FOXP2: variants seen among roughly 807,000 people sequenced by gnomAD.
FOXP2 encodes forkhead box P2.
A neutral mutation model predicts 115.8 loss-of-function variants in FOXP2; 12 were observed. The ratio of observed to expected loss-of-function variants is 0.10; its 90% CI spans 0.07 to 0.17. The LOEUF is 0.17. FOXP2 is among the 10% of genes least tolerant of loss of function. The pLI is 1.00. For missense variants in FOXP2, 629 were observed against 843.5 expected (o/e 0.75, Z 3.15); for synonymous variants, 328 against 297.7 (o/e 1.10, Z -1.05).
intron 2 of FOXP2, among the ~76,000 whole-genome samples, chr7:114,475,971 CT>C (rs1424776064): frequency 1.3e-5 from 2 of 151,934 alleles, no homozygotes; most frequent in Non-Finnish European, 2.9e-5. Context: ...CATGTACCCC[CT>C]ATATCTAATG....
rs567836486 is a variant in FOXP2 at position 114,578,762 on chromosome 7, A to T, written c.258+44056A>T. Reference sequence around the variant, plus strand: ...TTGTTTAGGACACTTTTAAGGTCTCAATCATATCTATGACATTGTTTTATT... The same window carrying T: ...TTGTTTAGGACACTTTTAAGGTCTCTATCATATCTATGACATTGTTTTATT... On this transcript the variant is annotated intron_variant, in intron 3 of 16. Coordinates refer to ENST00000350908, the MANE Select transcript of FOXP2 (RefSeq NM_014491.4). 2.0e-5 allele frequency among the ~76,000 whole-genome samples: 3 copies of T among 152,216 alleles called. No individual in the cohort carries two copies. In the East Asian group the frequency reaches 5.8e-4, roughly 29 times the overall value.
At chr7:114,163,524 T>A (rs1792894455) in intron 1 of FOXP2, among the ~76,000 whole-genome samples, 1 of 152,178 alleles carries the variant, frequency 6.6e-6, no homozygotes, top group African/African-American at 2.4e-5. Flanking sequence ...ATACATTAAT[T>A]TCTTTATTCA....
In FOXP2 at chr7:114,469,136, A is replaced by C. The variant is rs570887574; in HGVS notation, c.168+42457A>C. 2.0e-5 allele frequency among the ~76,000 whole-genome samples: 3 copies of C among 152,274 alleles called. No individual in the cohort carries two copies. The South Asian group carries it at 6.2e-4, about 32-fold the overall frequency. ...CCACAGACTCAAATGCCCTGAGAGA[A>C]TCAGAGCTGTCCCCTTGTCTTTCTT... On this transcript the variant is annotated intron_variant, in intron 2 of 16. Coordinates refer to ENST00000350908, the MANE Select transcript of FOXP2 (RefSeq NM_014491.4).
rs1275281967 is a variant in FOXP2 at position 114,536,414 on chromosome 7, TTTTTG to T, written c.258+1711_258+1715del. 6.1e-5 allele frequency among the ~76,000 whole-genome samples: 9 copies of T among 148,572 alleles called. No individual in the cohort carries two copies. The East Asian group carries it at 9.8e-4, about 16-fold the overall frequency. On this transcript the variant is annotated intron_variant, in intron 3 of 16. Transcript: ENST00000350908. ...TTTCTTTTCTTTTTTTTTTTTTTTT[TTTTTG>T]TTGTTGTTGTTGCATTGAAAGGCAA...
At chr7:114,238,395 C>T (rs1408613825) in intron 1 of FOXP2, among the ~76,000 whole-genome samples, 1 of 151,948 alleles carries the variant, frequency 6.6e-6, no homozygotes, top group East Asian at 1.9e-4. Flanking sequence ...ATCATAGATA[C>T]AGCTTGGTTG....
At chr7:114,233,136 T>G (rs1277364849) in intron 1 of FOXP2, among the ~76,000 whole-genome samples, 2 of 152,168 alleles carry the variant, frequency 1.3e-5, no homozygotes, top group African/African-American at 4.8e-5. Flanking sequence ...TAAAAATTTG[T>G]TAAAAGGGTA....
chr7:114,475,311 T>C (rs938011937), intron 2 of FOXP2, among the ~76,000 whole-genome samples: 1 of 152,170 alleles, frequency 6.6e-6, no homozygotes, highest in Non-Finnish European at 1.5e-5. Flanking sequence ...ACAAAAATTT[T>C]ACCTTATTTG....
chr7:114,519,772 G>A (rs1798522406), intron 2 of FOXP2, among the ~76,000 whole-genome samples: 1 of 152,096 alleles, frequency 6.6e-6, no homozygotes, highest in African/African-American at 2.4e-5. Context: ...GACAATGGGA[G>A]AAAAGGGTCA....
At chr7:114,414,546 A>T (rs1336084045), upstream of FOXP2, 1 of 153,858 alleles carries the variant, frequency 6.5e-6, no homozygotes, top group Non-Finnish European at 1.5e-5. Context: ...AATTAAGGTT[A>T]GTAATTGATG....
intron 1 of FOXP2, chr7:114,416,252 T>C (rs1793336586): frequency 6.6e-6 from 1 of 151,952 alleles, no homozygotes; most frequent in Non-Finnish European, 1.5e-5. Context: ...GGCAAGGTGA[T>C]TTAAGTATGC....
intron 1 of FOXP2, among the ~76,000 whole-genome samples, chr7:114,218,841 T>C (rs1048248031): frequency 2.0e-5 from 3 of 152,192 alleles, no homozygotes; most frequent in African/African-American, 7.2e-5. Flanking sequence ...CACATTTCTA[T>C]AGCAACAGTA....
chr7:114,476,491 A>G (rs556788589), intron 2 of FOXP2, among the ~76,000 whole-genome samples: 26 of 151,828 alleles, frequency 1.7e-4, no homozygotes, highest in Admixed American at 3.3e-4. Context: ...GTCTGTTTTT[A>G]TATCAGTACC....
rs1214917615 is a variant in FOXP2, at chr7:114,690,039, A to G, written c.*113A>G. ...CTGTGACTATTTATTAAGCATGGAT[A>G]AAGGAGACAGCCCTAAAGGAACTTA... On this transcript the variant is annotated 3_prime_UTR_variant, in exon 17 of 17. Transcript: ENST00000350908. 2 of 1,333,704 alleles carry G rather than the reference A, an allele frequency of 1.5e-6. No individual in the cohort carries two copies. The highest frequency in any genetic ancestry group is 3.4e-5 in the Admixed American group (2 of 58,530). The allele number at this position is 1,333,704 out of a possible 1,614,324, so 82.6% of individuals were successfully genotyped here.
intron 2 of FOXP2, among the ~76,000 whole-genome samples, chr7:114,346,969 T>C (rs1219888478): frequency 6.6e-6 from 1 of 151,898 alleles, no homozygotes; most frequent in Non-Finnish European, 1.5e-5. Context: ...CACAGATATG[T>C]ATTGAAATAT....
intron 1 of FOXP2, among the ~76,000 whole-genome samples, chr7:114,132,372 C>T (rs566747065): frequency 5.9e-5 from 9 of 152,054 alleles, no homozygotes; most frequent in African/African-American, 2.2e-4. Context: ...TGTGTTTCTT[C>T]TCATGATTCT....
intron 1 of FOXP2, among the ~76,000 whole-genome samples, chr7:114,185,397 G>T (rs1050305866): frequency 3.3e-5 from 5 of 152,046 alleles, no homozygotes; most frequent in South Asian, 2.1e-4. Flanking sequence ...ATATCTCTGG[G>T]CTCTAAATTT....
chr7:114,167,873 T>G (rs1485478439), intron 1 of FOXP2, among the ~76,000 whole-genome samples: 1 of 150,442 alleles, frequency 6.6e-6, no homozygotes, highest in African/African-American at 2.5e-5. Flanking sequence ...GAGGCAGAGG[T>G]TGCAGTGAGC....
chr7:114,099,439 T>G (rs1378787510), intron 1 of FOXP2, among the ~76,000 whole-genome samples: 1 of 152,162 alleles, frequency 6.6e-6, no homozygotes, highest in Admixed American at 6.5e-5. Flanking sequence ...TAGATTGGTA[T>G]GCCCATTATG....
At chr7:114,491,986 G>A (rs1797079693) in intron 2 of FOXP2, among the ~76,000 whole-genome samples, 1 of 152,276 alleles carries the variant, frequency 6.6e-6, no homozygotes. Context: ...ACAAGGAATG[G>A]TACCAGCTCC....
Sources: gnomAD v4.1 joint callset for allele counts (sites outside exome capture counted in the v4.1 genomes callset) on GRCh38, gnomAD v4.1.1 for gene constraint, MANE v1.5 for transcripts, NCBI Gene and HGNC (gene_info 2026-07-23, HGNC 2026-07-21) for gene names.